NCBP2: variants seen among roughly 807,000 people sequenced by gnomAD.
NCBP2 encodes nuclear cap binding protein subunit 2.
In NCBP2, 8 loss-of-function variants were observed where a neutral mutation model predicts 21.5. The ratio of observed to expected loss-of-function variants is 0.37; its 90% confidence interval spans 0.22 to 0.67. The LOEUF is 0.67. Among genes scored for constraint, NCBP2 ranks in the 30% least tolerant of loss-of-function variants. The pLI, the probability that NCBP2 is intolerant of heterozygous loss-of-function variation, is 0.56. For missense variants in NCBP2, 127 were observed against 206.9 expected (o/e 0.61, Z 2.37); for synonymous variants, 92 against 75.8 (o/e 1.21, Z -1.11).
Position 196,942,517 on chromosome 3 carries a change from GGA to G in NCBP2, c.-16_-15del, listed in dbSNP as rs1368447584. The stretch of plus-strand genomic sequence containing the variant: ...GCCACCCGACATAGTGCAGAGAAGC[GGA>G]CCACAATGCGGCGACTCCCGGCACG... On this transcript the variant is annotated 5_prime_UTR_variant, in exon 1 of 4. Transcript: ENST00000321256. The G allele has an allele frequency of 1.9e-6, 3 of 1,608,744 alleles. No individual in the cohort carries two copies. The African/African-American group carries it at 4.0e-5, about 21-fold the overall frequency.
Position 196,942,408 on chromosome 3 carries a change from C to T in NCBP2, c.78+18G>A. The T allele has an allele frequency of 6.2e-7, 1 of 1,609,938 alleles. No homozygotes were observed. Among genetic ancestry groups the T allele is most frequent in the Non-Finnish European group, 8.5e-7 (1 of 1,178,614 alleles). On this transcript the variant is annotated intron_variant, in intron 1 of 3. Coordinates refer to ENST00000321256, the MANE Select transcript of NCBP2 (RefSeq NM_007362.5). ...TCTTGCCCAGGGCCTTCCCGTCTCG[C>T]GGCCCGGCCTCCCTCACCCGGAAGT...
At chr3:196,941,728 T>G in intron 1 of NCBP2, 1 of 612,106 alleles carries the variant, frequency 1.6e-6, no homozygotes, top group Admixed American at 3.2e-5. Context: ...TACTGAAAAG[T>G]CTACTTTGAA....
rs1032042377 is a variant in NCBP2 at position 196,936,844 on chromosome 3, G to A, written c.*167C>T. ...CCAAGATTCTCAGACAAGAATTAAAGGCATTCTTTTGGATTCTGTCCTTTA... is the reference window on the plus strand; with the variant it reads ...CCAAGATTCTCAGACAAGAATTAAAAGCATTCTTTTGGATTCTGTCCTTTA... On this transcript the variant is annotated 3_prime_UTR_variant, in exon 4 of 4. Coordinates refer to ENST00000321256, the MANE Select transcript of NCBP2 (RefSeq NM_007362.5). 4 of 630,800 alleles carry A rather than the reference G, an allele frequency of 6.3e-6. No individual in the cohort carries two copies. In the Admixed American group the frequency reaches 8.7e-5, roughly 14 times the overall value. 39.1% of individuals were successfully genotyped at this position (630,800 alleles called of 1,614,324 possible).
chr3:196,942,028 C>T (rs1019853634), intron 1 of NCBP2: 8 of 1,535,746 alleles, frequency 5.2e-6, no homozygotes, highest in African/African-American at 2.7e-5. Context: ...AGCAAAAAGC[C>T]CCGCATCTGC....
chr3:196,940,564 A>C (rs550909143), intron 1 of NCBP2, among the ~76,000 whole-genome samples: 1 of 152,222 alleles, frequency 6.6e-6, no homozygotes, highest in Admixed American at 6.5e-5. Context: ...AATAGCCTAC[A>C]GTTTAAGATA....
intron 1 of NCBP2, chr3:196,941,772 C>A: frequency 1.3e-6 from 1 of 749,140 alleles, no homozygotes; most frequent in Non-Finnish European, 2.1e-6. Flanking sequence ...ACAAAATATA[C>A]TGTGATATAG....
At chr3:196,937,211 T>G (rs1716305374) in intron 3 of NCBP2, 129 bp from the exon 4 acceptor site, 1 of 965,266 alleles carries the variant, frequency 1.0e-6, no homozygotes. Context: ...AAGCAGGACA[T>G]ATGCACTTCA....
In NCBP2 at chr3:196,936,098, T is replaced by C. The variant is rs1001881886; in HGVS notation, c.*913A>G. The stretch of plus-strand genomic sequence containing the variant: ...AGGCAGTGTTTTCATTGTCTCTTGA[T>C]ATTTTATCCCATTTCCTATTGACAA... On this transcript the variant is annotated 3_prime_UTR_variant, in exon 4 of 4. Coordinates refer to ENST00000321256, the MANE Select transcript of NCBP2 (RefSeq NM_007362.5). 6.6e-6 allele frequency: 1 copy of C among 152,250 alleles called. No individual in the cohort carries two copies. Among genetic ancestry groups the C allele is most frequent in the Non-Finnish European group, 1.5e-5 (1 of 68,034 alleles). 9.4% of individuals were successfully genotyped at this position (152,250 alleles called of 1,614,324 possible).
Position 196,942,302 on chromosome 3 carries a change from C to A in NCBP2, c.78+124G>T, listed in dbSNP as rs900121387. On this transcript the variant is annotated intron_variant, in intron 1 of 3. Transcript: ENST00000321256. ...CCATTCCCTGCCTCGCCAGCAGGCA[C>A]CGGGGCCCCACTTGGCGTTTGCGGA... 14 of 1,523,088 alleles carry A rather than the reference C, an allele frequency of 9.2e-6. No homozygotes were observed. The African/African-American group carries it at 1.8e-4, about 19-fold the overall frequency. 94.3% of individuals were successfully genotyped at this position (1,523,088 alleles called of 1,614,324 possible). A position where few individuals can be genotyped will look rare whatever the true frequency, so the allele number is the denominator to read the frequency against.
At chr3:196,939,198 A>T (rs754994744) in intron 2 of NCBP2, 53 bp downstream of exon 2, 1 of 1,528,726 alleles carries the variant, frequency 6.5e-7, no homozygotes, top group Non-Finnish European at 9.1e-7. Flanking sequence ...ATGAGCTACC[A>T]CTCTCAGCTC....
chr3:196,941,974 G>A, intron 1 of NCBP2: 1 of 1,536,308 alleles, frequency 6.5e-7, no homozygotes, highest in Non-Finnish European at 8.7e-7. Flanking sequence ...CAGAGAAGGG[G>A]CCCGAATCGC....
chr3:196,940,386 C>A (rs1398455063), intron 1 of NCBP2, among the ~76,000 whole-genome samples: 1 of 150,444 alleles, frequency 6.6e-6, no homozygotes, highest in Non-Finnish European at 1.5e-5. Flanking sequence ...AAAAAAAAGT[C>A]CACAGGACAA....
Position 196,939,385 on chromosome 3 carries a change from T to A in NCBP2, c.126A>T (p.Leu42Phe). ...TGTAAAAAGAAAGATTTCCAACATA[T>A]AACGTACAGCTTTTCTTCAGTAATT... ...QEKLLKKSCTLYVGNLSFYTT... is the reference protein window; with the variant it reads ...QEKLLKKSCTFYVGNLSFYTT... The change falls in exon 2 of 4, where the codon TTA (leucine) becomes TTT (phenylalanine). Residue 42 changes from leucine (L) to phenylalanine (F), a missense_variant. Leu to Phe is a conservative substitution (Grantham distance 22). Coordinates refer to ENST00000321256, the MANE Select transcript of NCBP2 (RefSeq NM_007362.5). 6.2e-7 allele frequency: 1 copy of A among 1,612,992 alleles called. No homozygotes were observed. The highest frequency in any genetic ancestry group is 8.5e-7 in the Non-Finnish European group (1 of 1,179,306).
At chr3:196,939,952 A>G (rs1381483272) in intron 1 of NCBP2, 1 of 152,546 alleles carries the variant, frequency 6.6e-6, no homozygotes, top group Non-Finnish European at 1.5e-5. Context: ...CACTAAAAAC[A>G]AAACAGAGCT....
intron 2 of NCBP2, 183 bp from the exon 3 acceptor site, chr3:196,937,831 G>C: frequency 1.6e-6 from 1 of 636,970 alleles, no homozygotes; most frequent in Non-Finnish European, 2.7e-6. Context: ...AGTCAAATAT[G>C]ACACGTATCC....
intron 1 of NCBP2, chr3:196,941,375 C>G (rs79292957): frequency 0.012 from 1,888 of 153,558 alleles, 34 homozygotes; most frequent in African/African-American, 0.04. Flanking sequence ...CAGGCGTGAG[C>G]CACCGTTCCC....
In NCBP2 at chr3:196,936,092, T is replaced by G. The variant is rs1196173688; in HGVS notation, c.*919A>C. 6.6e-6 allele frequency: 1 copy of G among 152,218 alleles called. No individual in the cohort carries two copies. Among genetic ancestry groups the G allele is most frequent in the African/African-American group, 2.4e-5 (1 of 41,458 alleles). 9.4% of individuals were successfully genotyped at this position (152,218 alleles called of 1,614,324 possible). A position where few individuals can be genotyped will look rare whatever the true frequency, so the allele number is the denominator to read the frequency against. ...ATGTCAAGGCAGTGTTTTCATTGTCTCTTGATATTTTATCCCATTTCCTAT... is the reference window on the plus strand; with the variant it reads ...ATGTCAAGGCAGTGTTTTCATTGTCGCTTGATATTTTATCCCATTTCCTAT... On this transcript the variant is annotated 3_prime_UTR_variant, in exon 4 of 4. Coordinates refer to ENST00000321256, the MANE Select transcript of NCBP2 (RefSeq NM_007362.5).
intron 1 of NCBP2, 153 bp downstream of exon 1, chr3:196,942,273 G>C: frequency 6.7e-7 from 1 of 1,498,806 alleles, no homozygotes; most frequent in Non-Finnish European, 8.9e-7. Flanking sequence ...CGCCCTTCCA[G>C]CACCCATTCC....
At chr3:196,939,022 G>A (rs1033873749) in intron 2 of NCBP2, 10 of 392,738 alleles carry the variant, frequency 2.5e-5, no homozygotes, top group African/African-American at 1.7e-4. Context: ...TTTTTTTTAC[G>A]TGAAGGGCAA....
Sources: gnomAD v4.1 joint callset for allele counts (sites outside exome capture counted in the v4.1 genomes callset) on GRCh38, gnomAD v4.1.1 for gene constraint, MANE v1.5 for transcripts, NCBI Gene and HGNC (gene_info 2026-07-23, HGNC 2026-07-21) for gene names.